The following AGPAT3 variants were observed in gnomAD, a reference collection of about 807,000 sequenced individuals.
The protein encoded by AGPAT3 is 1-acyl-sn-glycerol-3-phosphate acyltransferase gamma.
Under a neutral mutation model 47.3 loss-of-function variants are expected in AGPAT3, and 5 were observed. That is an observed-to-expected ratio of 0.11 (90% CI 0.06 to 0.22). The LOEUF (loss-of-function observed/expected upper bound fraction) is 0.22, where lower values mean the gene tolerates loss of function less well. Among genes scored for constraint, AGPAT3 ranks in the 10% least tolerant of loss-of-function variants. The pLI is 1.00. For missense variants in AGPAT3, 315 were observed against 493.0 expected, an observed-to-expected ratio of 0.64 and a Z score of 3.42; for synonymous variants, 212 against 208.3, an observed-to-expected ratio of 1.02 and a Z score of -0.15.
Position 43,922,575 on chromosome 21 carries a change from C to T in AGPAT3, c.-49+18556C>T, listed in dbSNP as rs929680568. ...GCCTGCATGGCAGGGGGCACAGAGACTCTGGGCCTGGGTCCCCCCCGGCAC... is the reference window on the plus strand; with the variant it reads ...GCCTGCATGGCAGGGGGCACAGAGATTCTGGGCCTGGGTCCCCCCCGGCAC... On this transcript the variant is annotated intron_variant, in intron 2 of 9. Transcript: ENST00000291572. This position sits in a 1 kb window ranked among gnomAD's most constrained non-coding sequence, Gnocchi z 4.9. Among the ~76,000 whole-genome samples, 2 of 152,210 alleles carry T rather than the reference C, an allele frequency of 1.3e-5. No homozygotes were observed. The highest frequency in any genetic ancestry group is 1.9e-4 in the East Asian group (1 of 5,194).
At chr21:43,916,344 CT>C (rs1383879266) in intron 2 of AGPAT3, 1 of 152,208 alleles carries the variant, frequency 6.6e-6, no homozygotes, top group Non-Finnish European at 1.5e-5. Flanking sequence ...ACACGCACGT[CT>C]CCTGCCTTCA....
intron 1 of AGPAT3, chr21:43,867,298 C>G (rs2085529762): frequency 6.6e-6 from 1 of 152,266 alleles, no homozygotes; most frequent in East Asian, 1.9e-4. Context: ...CTCCACAGAC[C>G]CGTCCGGGTG....
At chr21:43,900,776 G>A (rs9980728) in intron 1 of AGPAT3, among the ~76,000 whole-genome samples, 3,261 of 152,176 alleles carry the variant, frequency 0.021, 103 homozygotes, top group African/African-American at 0.075. Context: ...CACCACCCAA[G>A]GTTGTCCTAC....
chr21:43,898,326 A>G (rs1262400549), intron 1 of AGPAT3, among the ~76,000 whole-genome samples: 2 of 152,026 alleles, frequency 1.3e-5, no homozygotes, highest in Admixed American at 6.6e-5. Flanking sequence ...TTTTGAGTCA[A>G]CTATTGATCC....
intron 3 of AGPAT3, chr21:43,960,825 G>T (rs1306588439): frequency 1.0e-6 from 1 of 957,816 alleles, no homozygotes; most frequent in Non-Finnish European, 1.2e-6. Flanking sequence ...TGCTGTGTGT[G>T]TGGTGTGTAC....
chr21:43,957,769 G>A (rs112461126), intron 2 of AGPAT3, among the ~76,000 whole-genome samples: 7,910 of 150,178 alleles, frequency 0.053, 502 homozygotes, highest in African/African-American at 0.15. Flanking sequence ...CGGGGGTCTC[G>A]GGTTTCCCCC....
chr21:43,961,564 G>A (rs1452850057), intron 3 of AGPAT3, among the ~76,000 whole-genome samples: 1 of 139,186 alleles, frequency 7.2e-6, no homozygotes, highest in Admixed American at 7.2e-5. Flanking sequence ...GGAAAACAGT[G>A]AGCGCGTAGA....
At chr21:43,976,089 A>G (rs2146874811) in intron 7 of AGPAT3, among the ~76,000 whole-genome samples, 1 of 149,058 alleles carries the variant, frequency 6.7e-6, no homozygotes, top group South Asian at 2.1e-4. Context: ...TTTTTTTGAG[A>G]CGGAGTCTCG....
intron 2 of AGPAT3, among the ~76,000 whole-genome samples, chr21:43,935,560 C>T (rs557882990): frequency 2.0e-5 from 3 of 152,350 alleles, no homozygotes; most frequent in African/African-American, 4.8e-5. Context: ...TGGGCATCGG[C>T]GCTGCTGCGG....
intron 2 of AGPAT3, 116 bp from the exon 3 acceptor site, chr21:43,959,518 A>C: frequency 1.1e-6 from 1 of 883,316 alleles, no homozygotes; most frequent in Non-Finnish European, 1.8e-6. Context: ...TGTGCTGTGC[A>C]GCATGTGTGT....
In AGPAT3 at chr21:43,981,761, G is replaced by A. The variant is rs762315809; in HGVS notation, c.1043-543G>A. Among the ~76,000 whole-genome samples, 9 of 151,926 alleles carry A rather than the reference G, an allele frequency of 5.9e-5. No homozygotes were observed. The highest frequency in any genetic ancestry group is 6.6e-5 in the Admixed American group (1 of 15,260). On this transcript the variant is annotated intron_variant, in intron 9 of 9. Transcript: ENST00000291572. This position sits in a 1 kb window ranked among gnomAD's most constrained non-coding sequence, Gnocchi z 5.3. The stretch of plus-strand genomic sequence containing the variant: ...AGACACAGTCCGTGTGCATCGCCCC[G>A]TGAGCCGACTCCCCAGGCCCAGCAG...
intron 1 of AGPAT3, among the ~76,000 whole-genome samples, chr21:43,883,075 G>C (rs2085889856): frequency 6.6e-6 from 1 of 152,232 alleles, no homozygotes; most frequent in African/African-American, 2.4e-5. Flanking sequence ...GGCAAATGCT[G>C]AATTGCTGGA....
At chr21:43,889,256 T>C (rs920251875) in intron 1 of AGPAT3, among the ~76,000 whole-genome samples, 6 of 151,770 alleles carry the variant, frequency 4.0e-5, no homozygotes, top group South Asian at 4.2e-4. Flanking sequence ...ACCTTCCTTG[T>C]TACACTGCTA....
At position 43,920,442 on chromosome 21, in the gene AGPAT3, C is replaced by T. The variant is rs973300664; in HGVS notation, c.-49+16423C>T. The stretch of plus-strand genomic sequence containing the variant: ...TGGCCCTGGCTCTGGGCACACAGCT[C>T]CTACAACCTTTAGTGCTGAGTGTCT... On this transcript the variant is annotated intron_variant, in intron 2 of 9. Transcript: ENST00000291572. The surrounding 1 kb of genome is among the most constrained non-coding windows in gnomAD (Gnocchi z 6.1). Among the ~76,000 whole-genome samples the T allele has an allele frequency of 2.0e-5, 3 of 152,096 alleles. No homozygotes were observed. Among genetic ancestry groups the T allele is most frequent in the Non-Finnish European group, 4.4e-5 (3 of 68,022 alleles).
At chr21:43,882,871 T>G (rs2085883935) in intron 1 of AGPAT3, among the ~76,000 whole-genome samples, 1 of 152,170 alleles carries the variant, frequency 6.6e-6, no homozygotes. Context: ...CTCAGGGGCC[T>G]GGGGCAACTG....
rs113571387 is a variant in AGPAT3, at chr21:43,970,012, C to CTT, written c.511-633_511-632dup. On this transcript the variant is annotated intron_variant, in intron 5 of 9. Transcript: ENST00000291572. This position sits in a 1 kb window ranked among gnomAD's most constrained non-coding sequence, Gnocchi z 5.8. ...GCTTGCCAGCCTGCTGTTAGCATTTCTTTTTTTTTGTTTTGAGACAGAGCC... is the reference window on the plus strand; with the variant it reads ...GCTTGCCAGCCTGCTGTTAGCATTTCTTTTTTTTTTTGTTTTGAGACAGAGCC... Among the ~76,000 whole-genome samples the CTT allele has an allele frequency of 2.7e-5, 4 of 149,578 alleles. No individual in the cohort carries two copies. Among genetic ancestry groups the CTT allele is most frequent in the African/African-American group, 9.9e-5 (4 of 40,552 alleles).
intron 1 of AGPAT3, among the ~76,000 whole-genome samples, chr21:43,879,347 CAAAAAAA>C (rs34630760): frequency 4.2e-5 from 3 of 71,698 alleles, no homozygotes; most frequent in Admixed American, 1.8e-4. Flanking sequence ...GACTCTATCT[CAAAAAAA>C]AAAAAAAAAA....
intron 2 of AGPAT3, among the ~76,000 whole-genome samples, chr21:43,911,713 C>A (rs1007704032): frequency 2.0e-5 from 3 of 152,250 alleles, no homozygotes; most frequent in Non-Finnish European, 4.4e-5. Context: ...CATTGGAACA[C>A]AGGTAAAGGG....
In AGPAT3 at chr21:43,985,397, T is replaced by TAA. The variant is rs112367723; in HGVS notation, c.*3019_*3020dup. ...ACAATGTAAGCAGCACTTTCTTGTG[T>TAA]AAAAAAAAAAAAAAAGCACGTCCTG... On this transcript the variant is annotated 3_prime_UTR_variant, in exon 10 of 10. Coordinates refer to ENST00000291572, the MANE Select transcript of AGPAT3 (RefSeq NM_020132.5). 1,224 of 275,166 alleles carry TAA rather than the reference T, an allele frequency of 4.4e-3. 9 individuals are homozygous for TAA. Among genetic ancestry groups the TAA allele is most frequent in the African/African-American group, 0.017 (701 of 41,016 alleles). The allele number at this position is 275,166 out of a possible 1,614,324, so 17.0% of individuals were successfully genotyped here. A position where few individuals can be genotyped will look rare whatever the true frequency, so the allele number is the denominator to read the frequency against.
Sources: allele counts gnomAD v4.1 joint callset (sites outside exome capture counted in the v4.1 genomes callset), GRCh38; gene constraint gnomAD v4.1.1; non-coding constraint Gnocchi (gnomAD v3.1); transcripts MANE v1.5; gene names NCBI Gene and HGNC (gene_info 2026-07-23, HGNC 2026-07-21).